The following SHISA9 variants were observed in gnomAD, a reference collection of about 807,000 sequenced individuals.
SHISA9 encodes protein shisa-9.
SHISA9 carries 13 observed loss-of-function variants against 38.0 expected under a neutral mutation model. That is an observed-to-expected ratio of 0.34 (90% CI 0.22 to 0.54). The LOEUF is 0.54. SHISA9 is among the 20% of genes least tolerant of loss of function. The pLI, the probability that SHISA9 is intolerant of heterozygous loss-of-function variation, is 0.91. For missense variants in SHISA9, 538 were observed against 575.8 expected (o/e 0.93, Z 0.67); for synonymous variants, 275 against 242.0 (o/e 1.14, Z -1.27).
the SHISA9 span, among the ~76,000 whole-genome samples, chr16:13,255,225 C>G: frequency 6.6e-6 from 1 of 152,074 alleles, no homozygotes; most frequent in South Asian, 2.1e-4. Context: ...CTCTTCCTCT[C>G]CCTCAATTCT....
intron 2 of SHISA9, among the ~76,000 whole-genome samples, chr16:13,114,974 G>GTATC (rs962892743): frequency 4.0e-5 from 6 of 150,630 alleles, no homozygotes; most frequent in African/African-American, 1.2e-4. Flanking sequence ...ATCTATATAT[G>GTATC]TATCTATCTA....
the SHISA9 span, among the ~76,000 whole-genome samples, chr16:13,302,947 G>A: frequency 9.5e-4 from 145 of 152,222 alleles, 1 homozygote; most frequent in South Asian, 9.1e-3. Flanking sequence ...CGTGTAAGAC[G>A]TGTATAATTA....
rs991413316 is a variant in SHISA9, at chr16:12,927,715, T to A, written c.691+10900T>A. Among the ~76,000 whole-genome samples the A allele has an allele frequency of 2.0e-5, 3 of 152,110 alleles. No individual in the cohort carries two copies. The East Asian group carries it at 5.8e-4, about 29-fold the overall frequency. On this transcript the variant is annotated intron_variant, in intron 2 of 4. Coordinates refer to ENST00000558583, the MANE Select transcript of SHISA9 (RefSeq NM_001145204.3). The stretch of plus-strand genomic sequence containing the variant: ...TGAACCACCATGACTGCCTGTTTTT[T>A]ACTTATGTAGATCCAAATCTTTGGC...
chr16:13,181,121 A>G (rs1173245873), intron 2 of SHISA9, among the ~76,000 whole-genome samples: 1 of 151,742 alleles, frequency 6.6e-6, no homozygotes, highest in Admixed American at 6.6e-5. Context: ...TTTATAAACT[A>G]TGATTATGGA....
At chr16:13,413,474 G>A in the SHISA9 span, among the ~76,000 whole-genome samples, 1 of 152,242 alleles carries the variant, frequency 6.6e-6, no homozygotes, top group South Asian at 2.1e-4. Context: ...TTGCAGTGTT[G>A]GCCAGGCGCA....
chr16:13,267,390 T>A, the SHISA9 span, among the ~76,000 whole-genome samples: 1 of 152,198 alleles, frequency 6.6e-6, no homozygotes, highest in Non-Finnish European at 1.5e-5. Flanking sequence ...AAAATGAGAC[T>A]ACCCAAACTG....
At chr16:12,911,351 C>T (rs974269377) in intron 1 of SHISA9, 2 of 985,298 alleles carry the variant, frequency 2.0e-6, no homozygotes, top group Admixed American at 1.2e-4. Flanking sequence ...GTTCTTTCTA[C>T]TGTCTAATTC....
At chr16:13,262,650 A>AAGGAAGGGAGGG in the SHISA9 span, among the ~76,000 whole-genome samples, 1 of 54,024 alleles carries the variant, frequency 1.9e-5, no homozygotes, top group Non-Finnish European at 3.8e-5. Flanking sequence ...GGAAGGAAGG[A>AAGGAAGGGAGGG]AGGAAGGAAG....
At chr16:13,463,072 C>G in the SHISA9 span, among the ~76,000 whole-genome samples, 3 of 152,256 alleles carry the variant, frequency 2.0e-5, no homozygotes, top group South Asian at 6.2e-4. Context: ...GGGAGGATCA[C>G]TTGAGCCTGG....
At chr16:13,272,089 AAAAGAGAG>A in the SHISA9 span, among the ~76,000 whole-genome samples, 1 of 150,570 alleles carries the variant, frequency 6.6e-6, no homozygotes, top group Non-Finnish European at 1.5e-5. Flanking sequence ...AAAAAAAAAA[AAAAGAGAG>A]AGAGAAAATG....
chr16:12,987,478 G>A (rs1162113467), intron 2 of SHISA9, among the ~76,000 whole-genome samples: 1 of 152,158 alleles, frequency 6.6e-6, no homozygotes, highest in Non-Finnish European at 1.5e-5. Flanking sequence ...ATCCTCCTCA[G>A]CAAACTAACA....
At chr16:13,356,899 C>T in the SHISA9 span, among the ~76,000 whole-genome samples, 18 of 152,194 alleles carry the variant, frequency 1.2e-4, no homozygotes, top group South Asian at 2.7e-3. Context: ...TTGGAACTAC[C>T]GTCGAGTTTG....
intron 2 of SHISA9, among the ~76,000 whole-genome samples, chr16:13,152,534 G>T (rs1032908360): frequency 1.3e-5 from 2 of 152,152 alleles, no homozygotes; most frequent in Non-Finnish European, 2.9e-5. Context: ...CAGAGTTCTG[G>T]AACTAGCATA....
At chr16:13,496,403 A>C in the SHISA9 span, among the ~76,000 whole-genome samples, 1 of 152,156 alleles carries the variant, frequency 6.6e-6, no homozygotes, top group Non-Finnish European at 1.5e-5. Flanking sequence ...AACTAATTAA[A>C]ATTTAGTACA....
At chr16:13,010,712 G>A (rs2072661786) in intron 2 of SHISA9, among the ~76,000 whole-genome samples, 1 of 152,176 alleles carries the variant, frequency 6.6e-6, no homozygotes, top group African/African-American at 2.4e-5. Flanking sequence ...AGCACTTTGG[G>A]AGGCCAAGGC....
intron 2 of SHISA9, among the ~76,000 whole-genome samples, chr16:13,122,813 G>A (rs966855417): frequency 2.6e-5 from 4 of 152,208 alleles, no homozygotes; most frequent in Admixed American, 6.5e-5. Flanking sequence ...TTGGGAGGCC[G>A]AGGCAGGAGG....
At chr16:13,377,632 G>T in the SHISA9 span, among the ~76,000 whole-genome samples, 1 of 152,184 alleles carries the variant, frequency 6.6e-6, no homozygotes, top group East Asian at 1.9e-4. Flanking sequence ...CTCCAAGTCT[G>T]TTGGGTCTCA....
intron 2 of SHISA9, among the ~76,000 whole-genome samples, chr16:13,088,014 G>A (rs1217637199): frequency 2.6e-5 from 4 of 152,108 alleles, no homozygotes; most frequent in African/African-American, 7.2e-5. Context: ...TGTAAGGAAG[G>A]GATCCAGTTT....
chr16:13,212,545 T>G (rs2051130740), intron 3 of SHISA9, among the ~76,000 whole-genome samples: 1 of 152,212 alleles, frequency 6.6e-6, no homozygotes, highest in South Asian at 2.1e-4. Context: ...GGCACACACC[T>G]GTTCTGTAAA....
Sources: gnomAD v4.1 joint callset for allele counts (sites outside exome capture counted in the v4.1 genomes callset) on GRCh38, gnomAD v4.1.1 for gene constraint, MANE v1.5 for transcripts, NCBI Gene and HGNC (gene_info 2026-07-23, HGNC 2026-07-21) for gene names.